Variants in MB21D2 observed in about 807,000 individuals in gnomAD.
MB21D2 encodes the protein nucleotidyltransferase MB21D2.
In MB21D2, 9 loss-of-function variants were observed where a neutral mutation model predicts 33.3. The ratio of observed to expected loss-of-function variants is 0.27; its 90% CI spans 0.16 to 0.47. The LOEUF is 0.47. MB21D2 is among the 20% of genes least tolerant of loss of function. The probability of loss-of-function intolerance (pLI) is 0.99; values close to 1 mark genes in which losing one functional copy is unlikely to be tolerated. For missense variants in MB21D2, 540 were observed against 624.6 expected (o/e 0.86, Z 1.44); for synonymous variants, 241 against 236.3 (o/e 1.02, Z -0.18).
chr3:192,799,646 C>A lies in MB21D2; in HGVS notation c.216G>T (p.Met72Ile). ...GAAGCTTTTGGTCCAGCTTTTGCAC[C>A]ATTCCTGGAAATAAAGAAGAAAAAA... Reference protein sequence around the residue: ...AKDFIFSMLGMVQKLDQKLPV... With the variant: ...AKDFIFSMLGIVQKLDQKLPV... Residue 72 changes from methionine to isoleucine, a missense_variant, in exon 2 of 2, where the codon ATG becomes ATT. By Grantham distance (10) the Met-to-Ile change is conservative. Coordinates refer to ENST00000392452, the MANE Select transcript of MB21D2 (RefSeq NM_178496.4). The surrounding 1 kb of genome is among the most constrained non-coding windows in gnomAD (Gnocchi z 4.1). 6.2e-7 allele frequency: 1 copy of A among 1,609,812 alleles called. No homozygotes were observed. The highest frequency in any genetic ancestry group is 8.5e-7 in the Non-Finnish European group (1 of 1,178,176).
intron 1 of MB21D2, among the ~76,000 whole-genome samples, chr3:192,816,100 G>T (rs1291400997): frequency 6.6e-6 from 1 of 152,074 alleles, no homozygotes; most frequent in Non-Finnish European, 1.5e-5. Flanking sequence ...TTGTCCCAGG[G>T]TTGAATTGAG....
chr3:192,806,396 A>G (rs1002813058), intron 1 of MB21D2, among the ~76,000 whole-genome samples: 2 of 152,316 alleles, frequency 1.3e-5, no homozygotes, highest in Non-Finnish European at 2.9e-5. Context: ...TGGGTTTCAT[A>G]TCCTGCAAAT....
intron 1 of MB21D2, among the ~76,000 whole-genome samples, chr3:192,850,001 C>T (rs1192334364): frequency 6.6e-6 from 1 of 151,900 alleles, no homozygotes; most frequent in Non-Finnish European, 1.5e-5. Flanking sequence ...TCACGGCAAC[C>T]TTTGCCTGCT....
chr3:192,803,348 T>G (rs1209162634), intron 1 of MB21D2, among the ~76,000 whole-genome samples: 1 of 152,226 alleles, frequency 6.6e-6, no homozygotes, highest in South Asian at 2.1e-4. Context: ...TAGGGTAATT[T>G]TGAACACTTC....
intron 1 of MB21D2, among the ~76,000 whole-genome samples, chr3:192,806,331 C>A (rs1323412348): frequency 6.6e-6 from 1 of 152,196 alleles, no homozygotes; most frequent in Non-Finnish European, 1.5e-5. Context: ...ATACTCAAGT[C>A]CCATAGCTGA....
At chr3:192,869,228 C>T in intron 1 of MB21D2, among the ~76,000 whole-genome samples, 1 of 142,362 alleles carries the variant, frequency 7.0e-6, no homozygotes, top group South Asian at 2.4e-4. Flanking sequence ...TGCACTCCAG[C>T]CTCGGCGACA....
At position 192,884,647 on chromosome 3, in the gene MB21D2, G is replaced by A. The variant is rs184398959; in HGVS notation, c.211+32983C>T. Reference sequence around the variant, plus strand: ...CTCCCAAAGTGCTGGCATTACAGGCGTGAGCCATCGCACCCGGCCAGAGGT... The same window carrying A: ...CTCCCAAAGTGCTGGCATTACAGGCATGAGCCATCGCACCCGGCCAGAGGT... On this transcript the variant is annotated intron_variant, in intron 1 of 1. Transcript: ENST00000392452. Among the ~76,000 whole-genome samples, 24 of 152,118 alleles carry A rather than the reference G, an allele frequency of 1.6e-4. No homozygotes were observed. In the Middle Eastern group the frequency reaches 0.024, roughly 152 times the overall value.
intron 1 of MB21D2, among the ~76,000 whole-genome samples, chr3:192,910,810 T>C (rs945917806): frequency 3.3e-5 from 5 of 152,226 alleles, no homozygotes; most frequent in South Asian, 2.1e-4. Flanking sequence ...TTTTCTATCA[T>C]TGGAAAACGG....
chr3:192,899,575 G>A (rs6786507), intron 1 of MB21D2, among the ~76,000 whole-genome samples: 6,733 of 152,164 alleles, frequency 0.044, 363 homozygotes, highest in African/African-American at 0.13. Flanking sequence ...ATGGGTTCAG[G>A]CGTACTTAAA....
chr3:192,822,625 C>T (rs1220877690), intron 1 of MB21D2, among the ~76,000 whole-genome samples: 4 of 152,212 alleles, frequency 2.6e-5, no homozygotes, highest in African/African-American at 7.2e-5. Context: ...GATTTTTCCC[C>T]GTGGCCATGG....
intron 1 of MB21D2, among the ~76,000 whole-genome samples, chr3:192,887,461 G>C (rs1400973298): frequency 1.3e-5 from 2 of 152,068 alleles, no homozygotes; most frequent in African/African-American, 4.8e-5. Flanking sequence ...TGTACACTTA[G>C]AAACTGTGAA....
chr3:192,819,981 G>C (rs916646666), intron 1 of MB21D2, among the ~76,000 whole-genome samples: 2 of 152,150 alleles, frequency 1.3e-5, no homozygotes, highest in Non-Finnish European at 2.9e-5. Flanking sequence ...CAAGGGGGTA[G>C]GGGAATCAGC....
chr3:192,807,082 G>A (rs1711680172), intron 1 of MB21D2, among the ~76,000 whole-genome samples: 1 of 152,096 alleles, frequency 6.6e-6, no homozygotes, highest in South Asian at 2.1e-4. Flanking sequence ...GGGTTTGTTG[G>A]CACATGCATA....
chr3:192,826,386 G>T (rs1480866608), intron 1 of MB21D2, among the ~76,000 whole-genome samples: 2 of 152,176 alleles, frequency 1.3e-5, no homozygotes, highest in Admixed American at 1.3e-4. Flanking sequence ...ATGGTGGAGG[G>T]ATTTAAACAC....
intron 1 of MB21D2, among the ~76,000 whole-genome samples, chr3:192,907,687 A>C (rs1714242497): frequency 6.6e-6 from 1 of 152,240 alleles, no homozygotes; most frequent in Non-Finnish European, 1.5e-5. Flanking sequence ...TCTATAAAGC[A>C]TTGTGCAAAG....
intron 1 of MB21D2, among the ~76,000 whole-genome samples, chr3:192,850,650 G>A (rs374458888): frequency 2.0e-4 from 31 of 152,234 alleles, no homozygotes; most frequent in African/African-American, 7.5e-4. Context: ...GCACGCTGCC[G>A]AATCAGCCCT....
chr3:192,826,354 T>A (rs1712173784), intron 1 of MB21D2, among the ~76,000 whole-genome samples: 1 of 152,166 alleles, frequency 6.6e-6, no homozygotes, highest in South Asian at 2.1e-4. Context: ...AAAGGAAAAT[T>A]GAGTCAAGGC....
chr3:192,839,217 C>T (rs1179455324), intron 1 of MB21D2, among the ~76,000 whole-genome samples: 3 of 152,100 alleles, frequency 2.0e-5, no homozygotes, highest in Non-Finnish European at 2.9e-5. Flanking sequence ...AAAATATATA[C>T]ATATCAGAAG....
At position 192,917,812 on chromosome 3, in the gene MB21D2, T is replaced by G; in HGVS notation, c.29A>C (p.Lys10Thr). Reference protein sequence around the residue: MKMAAPTANKAASLGCNNKP... With the variant: MKMAAPTANTAASLGCNNKP... Reference sequence around the variant, plus strand: ...GTTGTTACAGCCCAGGGAGGCTGCCTTGTTGGCGGTGGGAGCCGCCATCTT... The same window carrying G: ...GTTGTTACAGCCCAGGGAGGCTGCCGTGTTGGCGGTGGGAGCCGCCATCTT... The change falls in exon 1 of 2, where the codon AAG becomes ACG. Residue 10 changes from lysine (K) to threonine (T), a missense_variant. Coordinates refer to ENST00000392452, the MANE Select transcript of MB21D2 (RefSeq NM_178496.4). The G allele has an allele frequency of 1.2e-6, 2 of 1,611,210 alleles. No homozygotes were observed. Among genetic ancestry groups the G allele is most frequent in the Admixed American group, 3.3e-5 (2 of 59,948 alleles).
Sources: allele counts gnomAD v4.1 joint callset (sites outside exome capture counted in the v4.1 genomes callset), GRCh38; gene constraint gnomAD v4.1.1; non-coding constraint Gnocchi (gnomAD v3.1); transcripts MANE v1.5; gene names NCBI Gene and HGNC (gene_info 2026-07-23, HGNC 2026-07-21).